NOL9: variants seen among roughly 807,000 people sequenced by gnomAD.
The protein encoded by NOL9 is polynucleotide 5'-hydroxyl-kinase NOL9.
A neutral mutation model predicts 67.9 loss-of-function variants in NOL9; 28 were observed. The ratio of observed to expected loss-of-function variants is 0.41; its 90% CI spans 0.31 to 0.57. The LOEUF (loss-of-function observed/expected upper bound fraction) is 0.57. NOL9 is among the 20% of genes least tolerant of loss of function. The pLI, the probability that NOL9 is intolerant of heterozygous loss-of-function variation, is 0.25. For synonymous variants in NOL9, 356 were observed against 352.2 expected (o/e 1.01, Z -0.12); for missense variants, 777 against 897.0 (o/e 0.87, Z 1.71).
chr1:6,522,406 T>A lies in NOL9; in HGVS notation c.*3448A>T, dbSNP rs918138634. On this transcript the variant is annotated 3_prime_UTR_variant, in exon 12 of 12. Coordinates refer to ENST00000377705, the MANE Select transcript of NOL9 (RefSeq NM_024654.5). Reference sequence around the variant, plus strand: ...CTCTACTAAAAATACAAAAATTAGCTGGGTGTGGTGGCAGGCGCCTGTAAT... The same window carrying A: ...CTCTACTAAAAATACAAAAATTAGCAGGGTGTGGTGGCAGGCGCCTGTAAT... 1 of 150,782 alleles carries A rather than the reference T, an allele frequency of 6.6e-6. No homozygotes were observed. The highest frequency in any genetic ancestry group is 1.5e-5 in the Non-Finnish European group (1 of 67,790). The allele number at this position is 150,782 out of a possible 1,614,324, so 9.3% of individuals were successfully genotyped here.
At chr1:6,545,819 C>A (rs942855381) in intron 3 of NOL9, among the ~76,000 whole-genome samples, 11 of 141,340 alleles carry the variant, frequency 7.8e-5, no homozygotes, top group African/African-American at 2.6e-4. Context: ...GAGGCTGAAG[C>A]ACAAGAATCG....
Position 6,532,301 on chromosome 1 carries a change from G to A in NOL9, c.1535+162C>T, listed in dbSNP as rs577861889. 2.0e-4 allele frequency: 152 copies of A among 764,408 alleles called. 1 individual carries two copies. In the East Asian group the frequency reaches 2.7e-3, roughly 14 times the overall value. 47.4% of individuals were successfully genotyped at this position (764,408 alleles called of 1,614,324 possible). On this transcript the variant is annotated intron_variant, in intron 8 of 11. Coordinates refer to ENST00000377705, the MANE Select transcript of NOL9 (RefSeq NM_024654.5). ...GGACACTTCTGGATATTTCCACTGG[G>A]AACATAACAGTTCAGAAAACAACTG...
At chr1:6,545,786 C>T (rs11122090) in intron 3 of NOL9, among the ~76,000 whole-genome samples, 111,448 of 152,008 alleles carry the variant, frequency 0.73, 44,411 homozygotes, top group Non-Finnish European at 0.87. Flanking sequence ...CAGTGGTGCA[C>T]GCCTGTAATC....
In NOL9 at chr1:6,554,407, C is replaced by A; in HGVS notation, c.96G>T (p.Arg32=). 6.6e-7 allele frequency: 1 copy of A among 1,507,230 alleles called. No individual in the cohort carries two copies. The highest frequency in any genetic ancestry group is 8.8e-7 in the Non-Finnish European group (1 of 1,142,466). 93.4% of individuals were successfully genotyped at this position (1,507,230 alleles called of 1,614,324 possible). ...GCAGGCTCCCGAGCCGGCGGCGGGG[C>A]CGGCGGCTGAGGATGAGCTGGGGCC... The part of the protein sequence containing the change: ...KARPQLILSR[R]PRRRLGSLRW... The change falls in exon 1 of 12, where the codon CGG becomes CGT. Residue 32 remains arginine (R), a synonymous_variant. Coordinates refer to ENST00000377705, the MANE Select transcript of NOL9 (RefSeq NM_024654.5).
In NOL9 at chr1:6,525,890, T is replaced by C; in HGVS notation, c.2073A>G (p.Pro691=). Residue 691 remains proline (P), a synonymous_variant, in exon 12 of 12, where the codon CCA becomes CCG. Coordinates refer to ENST00000377705, the MANE Select transcript of NOL9 (RefSeq NM_024654.5). The part of the protein sequence containing the change: ...REPEEAHKEK[P]YRRPKFCRKM... ...TTCGACAGAACTTAGGTCTTCGGTA[T>C]GGTTTCTCTTTATGTGCCTCCTCAG... The C allele has an allele frequency of 1.9e-6, 3 of 1,614,198 alleles. No individual in the cohort carries two copies. Among genetic ancestry groups the C allele is most frequent in the South Asian group, 2.2e-5 (2 of 91,086 alleles).
chr1:6,547,033 A>C (rs546346960), intron 3 of NOL9, among the ~76,000 whole-genome samples: 1 of 152,310 alleles, frequency 6.6e-6, no homozygotes, highest in South Asian at 2.1e-4. Flanking sequence ...GACCTACAGG[A>C]CATCACACAC....
rs1441383535 is a variant in NOL9, at chr1:6,525,909, T to G, written c.2054A>C (p.Glu685Ala). Residue 685 changes from glutamate (E) to alanine (A), a missense_variant, in exon 12 of 12, where the codon GAG (glutamate) becomes GCG (alanine). Physicochemically the swap from Glu to Ala is moderately radical, Grantham distance 107. This residue lies in a region of NOL9 where 413 missense variants were observed against 552.6 expected (regional missense o/e 0.75). Coordinates refer to ENST00000377705, the MANE Select transcript of NOL9 (RefSeq NM_024654.5). ...TCGGTATGGTTTCTCTTTATGTGCC[T>G]CCTCAGGTTCTCTTGCTCCAATTTT... ...SEKIGAREPEEAHKEKPYRRP... is the reference protein window; with the variant it reads ...SEKIGAREPEAAHKEKPYRRP... 8 of 1,614,028 alleles carry G rather than the reference T, an allele frequency of 5.0e-6. No homozygotes were observed. In the Admixed American group the frequency reaches 6.7e-5, roughly 13 times the overall value.
intron 1 of NOL9, among the ~76,000 whole-genome samples, chr1:6,552,845 T>C (rs12036631): frequency 0.15 from 23,337 of 151,740 alleles, 2,144 homozygotes; most frequent in African/African-American, 0.26. Flanking sequence ...GGAGTCTCAC[T>C]CTGTCGCCCA....
At chr1:6,539,202 C>G (rs181509349) in intron 6 of NOL9, among the ~76,000 whole-genome samples, 7 of 152,256 alleles carry the variant, frequency 4.6e-5, no homozygotes, top group African/African-American at 1.7e-4. Flanking sequence ...TGCATTGCTG[C>G]TGGGAATGTA....
At chr1:6,543,462 TG>T (rs57962646) in intron 5 of NOL9, among the ~76,000 whole-genome samples, 3,367 of 152,270 alleles carry the variant, frequency 0.022, 124 homozygotes, top group African/African-American at 0.076. Context: ...CCCAAAGGCT[TG>T]GGATTACAGG....
chr1:6,534,520 T>C (rs1019436821), intron 6 of NOL9, among the ~76,000 whole-genome samples: 2 of 152,116 alleles, frequency 1.3e-5, no homozygotes, highest in African/African-American at 2.4e-5. Context: ...GCCACTATGA[T>C]GGGAGCTGCG....
In NOL9 at chr1:6,522,169, C is replaced by T. The variant is rs1638784140; in HGVS notation, c.*3685G>A. 6.6e-6 allele frequency: 1 copy of T among 152,106 alleles called. No individual in the cohort carries two copies. Among genetic ancestry groups the T allele is most frequent in the African/African-American group, 2.4e-5 (1 of 41,412 alleles). 9.4% of individuals were successfully genotyped at this position (152,106 alleles called of 1,614,324 possible). A position where few individuals can be genotyped will look rare whatever the true frequency, so the allele number is the denominator to read the frequency against. On this transcript the variant is annotated 3_prime_UTR_variant, in exon 12 of 12. Coordinates refer to ENST00000377705, the MANE Select transcript of NOL9 (RefSeq NM_024654.5). ...GACCAGCCTAGCCAACATAGTAAAA[C>T]CCCATCTCTACTAAAAATACAAAAA... is the stretch of plus-strand genomic sequence containing the variant.
chr1:6,550,518 A>G lies in NOL9; in HGVS notation c.494T>C (p.Ile165Thr). Residue 165 changes from isoleucine to threonine, a missense_variant, in exon 2 of 12, where the codon ATC (isoleucine) becomes ACC (threonine). Ile to Thr is a moderately conservative substitution (Grantham distance 89). Transcript: ENST00000377705. ...TISQGQPAQDIFSVYTHSCLS... is the reference protein window; with the variant it reads ...TISQGQPAQDTFSVYTHSCLS... ...GCAAGAGTGGGTATACACAGAGAAG[A>G]TGTCTTGGGCAGGCTGGCCTTGGCT... 5 of 1,614,128 alleles carry G rather than the reference A, an allele frequency of 3.1e-6. No individual in the cohort carries two copies. The highest frequency in any genetic ancestry group is 4.2e-6 in the Non-Finnish European group (5 of 1,180,016).
chr1:6,546,829 T>C (rs1280756559), intron 3 of NOL9, among the ~76,000 whole-genome samples: 1 of 152,186 alleles, frequency 6.6e-6, no homozygotes, highest in East Asian at 1.9e-4. Context: ...TTTCTTTTCT[T>C]CCCTTTACAG....
intron 2 of NOL9, 61 bp from the exon 3 acceptor site, chr1:6,549,759 A>C: frequency 6.3e-7 from 1 of 1,590,372 alleles, no homozygotes; most frequent in East Asian, 2.2e-5. Context: ...CACGCCCTTT[A>C]GGACTGCCAT....
chr1:6,534,138 C>A (rs111717567), intron 6 of NOL9, among the ~76,000 whole-genome samples: 1,897 of 152,276 alleles, frequency 0.012, 50 homozygotes, highest in African/African-American at 0.042. Context: ...CCACCCACCT[C>A]AGCCTCCCAA....
intron 9 of NOL9, among the ~76,000 whole-genome samples, chr1:6,530,209 T>C (rs1638990278): frequency 6.6e-6 from 1 of 152,152 alleles, no homozygotes; most frequent in Non-Finnish European, 1.5e-5. Flanking sequence ...TCCCAGCACT[T>C]TGGGAGGCTG....
chr1:6,529,061 G>GTGTA lies in NOL9; in HGVS notation c.1757_1758insTACA (p.Val587ThrfsTer19). On this transcript the variant is annotated frameshift_variant, in exon 10 of 12. Coordinates refer to ENST00000377705, the MANE Select transcript of NOL9 (RefSeq NM_024654.5). LOFTEE classifies it high-confidence loss of function. The stretch of plus-strand genomic sequence containing the variant: ...TGGGCCCATTCGTGTATCCTCTGAC[G>GTGTA]TCATCCTGGATCTTGCAAAGACCAA... 6.2e-7 allele frequency: 1 copy of GTGTA among 1,614,104 alleles called. No homozygotes were observed.
intron 5 of NOL9, among the ~76,000 whole-genome samples, chr1:6,544,525 A>ACGCACGCACG (rs1264335140): frequency 5.8e-5 from 4 of 69,542 alleles, no homozygotes; most frequent in African/African-American, 2.4e-4. Flanking sequence ...ACACACACAC[A>ACGCACGCACG]CACGCACGCA....
Sources: gnomAD v4.1 joint callset for allele counts (sites outside exome capture counted in the v4.1 genomes callset) on GRCh38, gnomAD v4.1.1 for gene constraint, gnomAD v4.1.1 regional missense constraint, MANE v1.5 for transcripts, NCBI Gene and HGNC (gene_info 2026-07-23, HGNC 2026-07-21) for gene names.